PEAK1: variants seen among roughly 807,000 people sequenced by gnomAD.
The protein encoded by PEAK1 is inactive tyrosine-protein kinase PEAK1.
In PEAK1, 54 loss-of-function variants were observed where a neutral mutation model predicts 124.7. The observed-to-expected ratio is 0.43, with a 90% confidence interval of 0.35 to 0.54. The LOEUF is 0.54. Among genes scored for constraint, PEAK1 ranks in the 20% least tolerant of loss-of-function variants. The pLI is 0.01. For synonymous variants in PEAK1, 719 were observed against 760.0 expected (o/e 0.95, Z 0.89); for missense variants, 2,046 against 2,134.5 (o/e 0.96, Z 0.82).
chr15:77,391,173 G>A (rs1018191172), intron 1 of PEAK1, among the ~76,000 whole-genome samples: 2 of 152,080 alleles, frequency 1.3e-5, no homozygotes, highest in African/African-American at 4.8e-5. Context: ...CAGACCCATG[G>A]TGCTACTGCT....
intron 5 of PEAK1, among the ~76,000 whole-genome samples, chr15:77,269,330 C>G (rs2061905913): frequency 6.6e-6 from 1 of 152,082 alleles, no homozygotes; most frequent in African/African-American, 2.4e-5. Context: ...AAAAGATACT[C>G]CATGCAAATG....
chr15:77,188,827 A>G (rs1190154663), intron 6 of PEAK1, among the ~76,000 whole-genome samples: 1 of 152,168 alleles, frequency 6.6e-6, no homozygotes, highest in Non-Finnish European at 1.5e-5. Flanking sequence ...TACATTGGAT[A>G]CTAAATAAAT....
intron 7 of PEAK1, among the ~76,000 whole-genome samples, chr15:77,159,698 C>T (rs1353922724): frequency 1.3e-5 from 2 of 152,148 alleles, no homozygotes; most frequent in Non-Finnish European, 2.9e-5. Context: ...TGTGGATTTT[C>T]AATTGGCAGT....
chr15:77,396,075 C>T (rs11853696), intron 1 of PEAK1, among the ~76,000 whole-genome samples: 33,671 of 151,878 alleles, frequency 0.22, 4,206 homozygotes, highest in Middle Eastern at 0.3. Flanking sequence ...GGTGGGATGA[C>T]GATAAAGTGT....
At chr15:77,295,769 G>C (rs543898712) in intron 2 of PEAK1, among the ~76,000 whole-genome samples, 2 of 152,284 alleles carry the variant, frequency 1.3e-5, no homozygotes, top group East Asian at 3.9e-4. Flanking sequence ...GTAAGAATGA[G>C]CTTATGTTTT....
At chr15:77,256,923 G>A (rs1037306190) in intron 5 of PEAK1, among the ~76,000 whole-genome samples, 3 of 129,486 alleles carry the variant, frequency 2.3e-5, no homozygotes, top group African/African-American at 9.1e-5. Flanking sequence ...TCCCCTTCCT[G>A]TGTCCATGTG....
intron 1 of PEAK1, among the ~76,000 whole-genome samples, chr15:77,411,072 A>G (rs961911672): frequency 6.6e-6 from 1 of 152,156 alleles, no homozygotes; most frequent in African/African-American, 2.4e-5. Flanking sequence ...TAAAATTCTA[A>G]AATTGTTATT....
At chr15:77,278,373 T>C (rs1175376196) in intron 5 of PEAK1, 8 of 272,156 alleles carry the variant, frequency 2.9e-5, no homozygotes, top group Non-Finnish European at 5.8e-5. Context: ...ATTCAATTTA[T>C]AGGAGCAGTG....
chr15:77,234,074 C>G (rs1359457574), intron 6 of PEAK1, among the ~76,000 whole-genome samples: 2 of 152,112 alleles, frequency 1.3e-5, no homozygotes, highest in Non-Finnish European at 2.9e-5. Flanking sequence ...CCAACTTGCC[C>G]TGGCTGGTCT....
rs1389092330 is a variant in PEAK1 at position 77,133,089 on chromosome 15, A to G, written c.3993T>C (p.Ser1331=). The G allele has an allele frequency of 3.1e-6, 5 of 1,614,182 alleles. No individual in the cohort carries two copies. The Admixed American group carries it at 5.0e-5, about 16-fold the overall frequency. ...CACCTGCCTCACAACATGGTTTGTC[A>G]CTGGTTAGCCTGAAGTCTGACCAGC... ...VDSWSDFRLT[S]DKPCCEAGDA... is the part of the protein sequence containing the mutation. Residue 1331 remains serine (S), a synonymous_variant, in exon 9 of 10, where the codon AGT becomes AGC. Transcript: ENST00000682557. This position sits in a 1 kb window ranked among gnomAD's most constrained non-coding sequence, Gnocchi z 4.2.
chr15:77,172,287 T>C (rs1462645659), intron 7 of PEAK1, among the ~76,000 whole-genome samples: 1 of 152,232 alleles, frequency 6.6e-6, no homozygotes, highest in East Asian at 1.9e-4. Context: ...ATCCTCTAAA[T>C]GTTGACATAT....
intron 2 of PEAK1, chr15:77,330,979 CTGAG>C (rs1344000763): frequency 1.1e-6 from 1 of 893,276 alleles, no homozygotes; most frequent in African/African-American, 1.8e-5. Flanking sequence ...GAGTGAATGG[CTGAG>C]TAATTAGGAT....
Position 77,304,441 on chromosome 15 carries a change from CATTTT to C in PEAK1, c.-602-17942_-602-17938del, listed in dbSNP as rs1429484489. Among the ~76,000 whole-genome samples the C allele has an allele frequency of 5.6e-3, 703 of 124,732 alleles. 10 individuals are homozygous for C. The highest frequency in any genetic ancestry group is 0.017 in the African/African-American group (608 of 34,970). The allele number at this position is 124,732 out of a possible 152,430, so 81.8% of individuals were successfully genotyped here. A position where few individuals can be genotyped will look rare whatever the true frequency, so the allele number is the denominator to read the frequency against. ...AACTGTAGCTCCTAGCTCCTGTATA[CATTTT>C]TTTTTTTTTTTTTTTTTTTTGAGAC... is the stretch of plus-strand genomic sequence containing the variant. On this transcript the variant is annotated intron_variant, in intron 2 of 9. Coordinates refer to ENST00000682557, the MANE Select transcript of PEAK1 (RefSeq NM_001385026.1).
rs1451197436 is a variant in PEAK1, at chr15:77,114,492, G to C, written c.4905C>G (p.Ser1635=). ...LPRIPFRSPY[S]RGLQQLASCL... is the part of the protein sequence containing the mutation. ...AGCTGGCCAGCTGCTGCAGACCCCG[G>C]GAGTAGGGGGAGCGGAATGGGATGC... The change falls in exon 10 of 10, where the codon TCC becomes TCG. Residue 1635 remains serine, a synonymous_variant. Transcript: ENST00000682557. 1.9e-6 allele frequency: 3 copies of C among 1,614,040 alleles called. No individual in the cohort carries two copies. The highest frequency in any genetic ancestry group is 1.3e-5 in the African/African-American group (1 of 75,034).
At chr15:77,184,830 G>A (rs553012675) in intron 6 of PEAK1, among the ~76,000 whole-genome samples, 138 of 152,320 alleles carry the variant, frequency 9.1e-4, no homozygotes, top group African/African-American at 3.2e-3. Flanking sequence ...CTGGGTGGCG[G>A]AGGTTGCAGT....
At chr15:77,304,010 T>C (rs1171893053) in intron 2 of PEAK1, among the ~76,000 whole-genome samples, 1 of 152,232 alleles carries the variant, frequency 6.6e-6, no homozygotes, top group Non-Finnish European at 1.5e-5. Flanking sequence ...TTCATGTGAA[T>C]TTATCTTAGA....
chr15:77,216,644 T>C (rs1372830852), intron 6 of PEAK1, among the ~76,000 whole-genome samples: 1 of 152,172 alleles, frequency 6.6e-6, no homozygotes, highest in African/African-American at 2.4e-5. Flanking sequence ...TCACACTTAT[T>C]TGTGAGGAAA....
Position 77,114,765 on chromosome 15 carries a change from G to A in PEAK1, c.4632C>T (p.Thr1544=), listed in dbSNP as rs1266853015. The A allele has an allele frequency of 6.2e-7, 1 of 1,613,236 alleles. No individual in the cohort carries two copies. Among genetic ancestry groups the A allele is most frequent in the Admixed American group, 1.7e-5 (1 of 60,012 alleles). The change falls in exon 10 of 10, where the codon ACC becomes ACT. Residue 1544 remains threonine, a synonymous_variant. Transcript: ENST00000682557. ...CTATAAGCCTAGTGGGATAAGATGA[G>A]GTGGGGCTGGGCTCTGCAGGCCCAA... ...QGFGPAEPSP[T]SSYPTRLIVS...
chr15:77,329,853 G>C (rs1597322431), intron 2 of PEAK1, among the ~76,000 whole-genome samples: 1 of 152,008 alleles, frequency 6.6e-6, no homozygotes, highest in East Asian at 1.9e-4. Context: ...AGAATGACAG[G>C]GAAAATGCTG....
Sources: gnomAD v4.1 joint callset for allele counts (sites outside exome capture counted in the v4.1 genomes callset) on GRCh38, gnomAD v4.1.1 for gene constraint, Gnocchi (gnomAD v3.1) non-coding constraint, MANE v1.5 for transcripts, NCBI Gene and HGNC (gene_info 2026-07-23, HGNC 2026-07-21) for gene names.